The following NLGN4X variants were observed in gnomAD, a reference collection of about 807,000 sequenced individuals.
NLGN4X encodes neuroligin-4, X-linked.
A neutral mutation model predicts 40.3 loss-of-function variants in NLGN4X; 3 were observed. That is an observed-to-expected ratio of 0.07 (90% CI 0.03 to 0.19). The LOEUF (loss-of-function observed/expected upper bound fraction) is 0.19. NLGN4X is among the 10% of genes least tolerant of loss of function. The pLI, the probability that NLGN4X is intolerant of heterozygous loss-of-function variation, is 1.00. For synonymous variants in NLGN4X, 270 were observed against 306.8 expected, an observed-to-expected ratio of 0.88 and a Z score of 1.25; for missense variants, 382 against 708.3, an observed-to-expected ratio of 0.54 and a Z score of 5.23.
chrX:5,946,827 C>T (rs1246925724), intron 3 of NLGN4X, among the ~76,000 whole-genome samples: 1 of 111,239 alleles, frequency 9.0e-6, no homozygotes, highest in Non-Finnish European at 1.9e-5. Context: ...TCCTCTCCCT[C>T]TCCTACCCTC....
chrX:5,899,928 TAAGTA>T (rs936413991), intron 5 of NLGN4X, among the ~76,000 whole-genome samples: 18 of 111,641 alleles, frequency 1.6e-4, no homozygotes, highest in African/African-American at 5.9e-4. Context: ...TTAATGAGAG[TAAGTA>T]AAGAGAGTGT....
chrX:6,037,352 A>T (rs148304731), intron 2 of NLGN4X, among the ~76,000 whole-genome samples: 2,493 of 110,662 alleles, frequency 0.023, 31 homozygotes, highest in Non-Finnish European at 0.037. Context: ...AAATTGGAAA[A>T]CGAAGACTAT....
intron 2 of NLGN4X, among the ~76,000 whole-genome samples, chrX:6,124,501 G>C (rs763503843): frequency 4.5e-4 from 50 of 111,640 alleles, no homozygotes; most frequent in African/African-American, 1.6e-3. Flanking sequence ...GGCCAACAAA[G>C]TGAAACCGCG....
At chrX:6,032,424 G>C (rs1285722014) in intron 2 of NLGN4X, among the ~76,000 whole-genome samples, 1 of 106,755 alleles carries the variant, frequency 9.4e-6, no homozygotes, top group Non-Finnish European at 1.9e-5. Flanking sequence ...AAAAAAAAGG[G>C]CTTCTCTGTA....
intron 4 of NLGN4X, among the ~76,000 whole-genome samples, chrX:5,907,057 G>A (rs936180253): frequency 1.8e-5 from 2 of 109,580 alleles, no homozygotes; most frequent in African/African-American, 6.7e-5. Context: ...CTCCTGCCTG[G>A]GAGACAGAGT....
intron 3 of NLGN4X, among the ~76,000 whole-genome samples, chrX:5,938,821 A>G (rs1050471245): frequency 1.8e-5 from 2 of 111,965 alleles, no homozygotes; most frequent in African/African-American, 3.2e-5. Context: ...TTTAGGAGAC[A>G]TAACAGTTGA....
rs180673532 is a variant in NLGN4X at position 6,194,364 on chromosome X, G to T, written c.-306+34177C>A. On this transcript the variant is annotated intron_variant, in intron 1 of 5. Transcript: ENST00000381095. Reference sequence around the variant, plus strand: ...TCTCACCCGGAATGCTCTCTTTATAGGATGCGTCTCATGCGACACTCCTCC... The same window carrying T: ...TCTCACCCGGAATGCTCTCTTTATATGATGCGTCTCATGCGACACTCCTCC... Among the ~76,000 whole-genome samples the T allele has an allele frequency of 3.6e-5, 4 of 111,338 alleles. No homozygotes were observed. In the East Asian group the frequency reaches 8.5e-4, roughly 24 times the overall value.
At chrX:5,978,332 CTTTCTT>C (rs372136322) in intron 3 of NLGN4X, among the ~76,000 whole-genome samples, 1 of 37,102 alleles carries the variant, frequency 2.7e-5, no homozygotes. Context: ...TTCTTTCTTT[CTTTCTT>C]TCTTTCCCTT....
At chrX:5,901,811 A>G (rs1331804647) in intron 5 of NLGN4X, among the ~76,000 whole-genome samples, 1 of 107,158 alleles carries the variant, frequency 9.3e-6, no homozygotes, top group African/African-American at 3.4e-5. Context: ...TATATATTGT[A>G]TATATATAGT....
Position 6,197,537 on chromosome X carries a change from G to C in NLGN4X, c.-306+31004C>G, listed in dbSNP as rs751474214. Among the ~76,000 whole-genome samples the C allele has an allele frequency of 1.3e-4, 14 of 108,827 alleles. No individual in the cohort carries two copies. The South Asian group carries it at 5.7e-3, about 44-fold the overall frequency. The allele number at this position is 108,827 out of a possible 115,157, so 94.5% of individuals were successfully genotyped here. A position where few individuals can be genotyped will look rare whatever the true frequency, so the allele number is the denominator to read the frequency against. On this transcript the variant is annotated intron_variant, in intron 1 of 5. Coordinates refer to ENST00000381095, the MANE Select transcript of NLGN4X (RefSeq NM_181332.3). ...TGGTGCCTGCTGGGCCTCCCAAAGT[G>C]CTGGGATTACAGGCATGAGCCAATG... is the stretch of plus-strand genomic sequence containing the variant.
intron 1 of NLGN4X, among the ~76,000 whole-genome samples, chrX:6,209,983 T>A (rs760995111): frequency 3.6e-5 from 4 of 111,920 alleles, no homozygotes; most frequent in Non-Finnish European, 5.6e-5. Context: ...CTCCAGTAGC[T>A]GGGATTACAG....
intron 2 of NLGN4X, among the ~76,000 whole-genome samples, chrX:6,130,250 A>AT (rs1242055349): frequency 9.0e-6 from 1 of 110,891 alleles, no homozygotes; most frequent in Non-Finnish European, 1.9e-5. Context: ...TCTTGATTGG[A>AT]TTTTCCCTCA....
chrX:5,914,679 T>C (rs996216328), intron 3 of NLGN4X, among the ~76,000 whole-genome samples: 1 of 110,369 alleles, frequency 9.1e-6, no homozygotes, highest in African/African-American at 3.3e-5. Context: ...TAAATGTATA[T>C]GTACACAGAC....
intron 2 of NLGN4X, among the ~76,000 whole-genome samples, chrX:6,147,909 G>A (rs1031509463): frequency 8.9e-6 from 1 of 112,072 alleles, no homozygotes; most frequent in African/African-American, 3.2e-5. Flanking sequence ...AAAGAAATTT[G>A]TAAGGTAGGA....
At chrX:5,929,404 T>C (rs1184312211) in intron 3 of NLGN4X, among the ~76,000 whole-genome samples, 1 of 111,250 alleles carries the variant, frequency 9.0e-6, no homozygotes. Context: ...GAGGTGGAGG[T>C]TGCAGTGAGC....
chrX:6,175,050 A>C (rs1244127705), intron 1 of NLGN4X, among the ~76,000 whole-genome samples: 2 of 111,721 alleles, frequency 1.8e-5, no homozygotes, highest in East Asian at 5.6e-4. Context: ...GCTTTCTATT[A>C]ATCTGCCTTT....
At chrX:6,009,460 T>C (rs1193623621) in intron 3 of NLGN4X, among the ~76,000 whole-genome samples, 1 of 112,507 alleles carries the variant, frequency 8.9e-6, no homozygotes, top group Non-Finnish European at 1.9e-5. Context: ...ACAGCCATCC[T>C]AATGGATATG....
At position 6,143,592 on chromosome X, in the gene NLGN4X, A is replaced by T. The variant is rs139287138; in HGVS notation, c.472+7403T>A. ...TAGCTTCCTGAAAAAATTCTAAATG[A>T]CCCTTTGGTACCTTTCTGTGTCAAA... On this transcript the variant is annotated intron_variant, in intron 2 of 5. Transcript: ENST00000381095. Among the ~76,000 whole-genome samples the T allele has an allele frequency of 4.2e-3, 467 of 112,318 alleles. 2 individuals carry two copies. The highest frequency in any genetic ancestry group is 0.014 in the African/African-American group (435 of 30,949).
At chrX:6,042,332 A>T (rs1463135688) in intron 2 of NLGN4X, among the ~76,000 whole-genome samples, 2 of 110,759 alleles carry the variant, frequency 1.8e-5, no homozygotes, top group African/African-American at 3.3e-5. Flanking sequence ...TGTGCTTACT[A>T]TTAGAGTCCT....
Sources: allele counts gnomAD v4.1 joint callset (sites outside exome capture counted in the v4.1 genomes callset), GRCh38; gene constraint gnomAD v4.1.1; transcripts MANE v1.5; gene names NCBI Gene and HGNC (gene_info 2026-07-23, HGNC 2026-07-21).